MDFIC2: variants seen among roughly 807,000 people sequenced by gnomAD.
MDFIC2 encodes the protein MyoD family inhibitor domain containing 2, also known as myoD family inhibitor domain-containing protein 2.
chr3:70,293,045 CAAA>C (rs55990203), intron 2 of MDFIC2, among the ~76,000 whole-genome samples: 22 of 74,818 alleles, frequency 2.9e-4, no homozygotes, highest in African/African-American at 4.1e-4. Context: ...TGGTTTGAAG[CAAA>C]AAAAAAAAAA....
At chr3:70,278,464 A>G (rs1396301854) in intron 2 of MDFIC2, among the ~76,000 whole-genome samples, 1 of 152,200 alleles carries the variant, frequency 6.6e-6, no homozygotes, top group African/African-American at 2.4e-5. Context: ...TTTTAGCTTT[A>G]GGTGGATACT....
At chr3:70,272,179 C>T (rs1701981801) in intron 2 of MDFIC2, 1 of 152,178 alleles carries the variant, frequency 6.6e-6, no homozygotes, top group Non-Finnish European at 1.5e-5. Flanking sequence ...AAAATGTACC[C>T]ATTCCAAATG....
At chr3:70,217,598 C>T (rs1423754171) in intron 2 of MDFIC2, among the ~76,000 whole-genome samples, 1 of 152,048 alleles carries the variant, frequency 6.6e-6, no homozygotes, top group Non-Finnish European at 1.5e-5. Context: ...GCTGAAAAAA[C>T]AGTTTTTCAC....
chr3:70,218,318 C>A (rs1701433599), intron 2 of MDFIC2, among the ~76,000 whole-genome samples: 1 of 152,078 alleles, frequency 6.6e-6, no homozygotes. Flanking sequence ...ATTGTGTATG[C>A]ATGTGCACAT....
intron 2 of MDFIC2, among the ~76,000 whole-genome samples, chr3:70,290,453 C>T (rs926579032): frequency 2.6e-5 from 4 of 152,216 alleles, no homozygotes; most frequent in African/African-American, 9.6e-5. Flanking sequence ...AGAACCACTG[C>T]TCTCTTCAAA....
chr3:70,215,220 G>C (rs768752210), intron 2 of MDFIC2, among the ~76,000 whole-genome samples: 19 of 152,142 alleles, frequency 1.2e-4, no homozygotes, highest in Non-Finnish European at 2.4e-4. Flanking sequence ...GAAACTGATA[G>C]AGGGTCAGAG....
intron 2 of MDFIC2, among the ~76,000 whole-genome samples, chr3:70,276,707 G>A (rs1178463975): frequency 6.6e-6 from 1 of 152,114 alleles, no homozygotes; most frequent in African/African-American, 2.4e-5. Context: ...AAGTTTTGTT[G>A]GAACACAGCC....
At chr3:70,263,217 T>C (rs973607610) in intron 2 of MDFIC2, among the ~76,000 whole-genome samples, 1 of 152,218 alleles carries the variant, frequency 6.6e-6, no homozygotes, top group Non-Finnish European at 1.5e-5. Context: ...ATTTTCCTGC[T>C]TCTTCTTTCT....
intron 2 of MDFIC2, among the ~76,000 whole-genome samples, chr3:70,278,219 A>G (rs1167038193): frequency 2.0e-5 from 3 of 152,104 alleles, no homozygotes; most frequent in Non-Finnish European, 4.4e-5. Context: ...TATTTGTCCA[A>G]CGTTTTGTCT....
intron 2 of MDFIC2, among the ~76,000 whole-genome samples, chr3:70,214,709 T>G (rs1162361732): frequency 6.6e-6 from 1 of 151,938 alleles, no homozygotes; most frequent in Non-Finnish European, 1.5e-5. Flanking sequence ...TGATGTACTT[T>G]TATAGCTAGA....
intron 3 of MDFIC2, among the ~76,000 whole-genome samples, chr3:70,202,034 A>G (rs7428830): frequency 0.99 from 150,005 of 152,286 alleles, 73,913 homozygotes; most frequent in East Asian, 1. Flanking sequence ...CTGGCTAACC[A>G]CAGTGACTGT....
At chr3:70,237,836 A>G (rs757402031) in intron 2 of MDFIC2, among the ~76,000 whole-genome samples, 6 of 152,162 alleles carry the variant, frequency 3.9e-5, no homozygotes, top group Non-Finnish European at 7.3e-5. Flanking sequence ...TTTTCCTTAA[A>G]TATTGCACTG....
At chr3:70,218,481 T>C (rs958643039) in intron 2 of MDFIC2, among the ~76,000 whole-genome samples, 3 of 152,130 alleles carry the variant, frequency 2.0e-5, no homozygotes, top group Admixed American at 6.5e-5. Flanking sequence ...CCTCTTTTAC[T>C]AAAAAAATTC....
At chr3:70,304,404 G>A (rs6549334) in intron 2 of MDFIC2, among the ~76,000 whole-genome samples, 148,194 of 152,300 alleles carry the variant, frequency 0.97, 72,116 homozygotes, top group East Asian at 1. Flanking sequence ...CTATTGCCCA[G>A]TTGACAGTTT....
chr3:70,295,748 T>C (rs1283581173), intron 2 of MDFIC2, among the ~76,000 whole-genome samples: 1 of 152,170 alleles, frequency 6.6e-6, no homozygotes, highest in Non-Finnish European at 1.5e-5. Context: ...TTTAAAGTGC[T>C]GTATCTTTTG....
chr3:70,230,869 C>T (rs1173608828), intron 2 of MDFIC2, among the ~76,000 whole-genome samples: 1 of 152,138 alleles, frequency 6.6e-6, no homozygotes, highest in African/African-American at 2.4e-5. Context: ...CCTCCCAAGT[C>T]AGAAAAGAGA....
At chr3:70,219,390 G>A (rs546051114) in intron 2 of MDFIC2, among the ~76,000 whole-genome samples, 5 of 152,100 alleles carry the variant, frequency 3.3e-5, no homozygotes, top group Non-Finnish European at 5.9e-5. Context: ...AAATTAGGCT[G>A]TTAAGTTTTT....
intron 2 of MDFIC2, among the ~76,000 whole-genome samples, chr3:70,284,506 AT>A (rs1702121106): frequency 6.6e-6 from 1 of 152,238 alleles, no homozygotes; most frequent in Admixed American, 6.5e-5. Context: ...CTAAATGCCC[AT>A]CAATGATAGA....
chr3:70,234,236 C>T (rs1434277003), intron 2 of MDFIC2, among the ~76,000 whole-genome samples: 1 of 152,138 alleles, frequency 6.6e-6, no homozygotes, highest in African/African-American at 2.4e-5. Flanking sequence ...TGGGTTGACA[C>T]CTAAAAAATA....
Sources: allele counts gnomAD v4.1 joint callset (sites outside exome capture counted in the v4.1 genomes callset), GRCh38; gene constraint gnomAD v4.1.1; transcripts MANE v1.5; gene names NCBI Gene and HGNC (gene_info 2026-07-23, HGNC 2026-07-21).